The following CGGBP1 variants were observed in gnomAD, a reference collection of about 807,000 sequenced individuals.
The protein encoded by CGGBP1 is CGG triplet repeat binding protein 1.
CGGBP1 carries 4 observed loss-of-function variants against 11.4 expected under a neutral mutation model. The observed-to-expected ratio is 0.35, with a 90% CI of 0.17 to 0.80. The LOEUF (loss-of-function observed/expected upper bound fraction) is 0.80. Ranked by LOEUF, CGGBP1 falls within the 30% of genes least tolerant of loss-of-function variation. The pLI, the probability that CGGBP1 is intolerant of heterozygous loss-of-function variation, is 0.52. For synonymous variants in CGGBP1, 76 were observed against 74.1 expected (o/e 1.03, Z -0.13); for missense variants, 135 against 202.1 (o/e 0.67, Z 2.01).
rs1371137248 is a variant in CGGBP1 at position 88,054,422 on chromosome 3, A to C, written c.*1051T>G. ...TACTGCCAGATCTCCAATACAAAAA[A>C]CCTGCCAGAATTTCTAGACAATTGT... On this transcript the variant is annotated 3_prime_UTR_variant, in exon 4 of 4. Coordinates refer to ENST00000482016, the MANE Select transcript of CGGBP1 (RefSeq NM_001008390.2). The C allele has an allele frequency of 6.6e-6, 1 of 152,174 alleles. No homozygotes were observed. The highest frequency in any genetic ancestry group is 1.5e-5 in the Non-Finnish European group (1 of 68,018). The allele number at this position is 152,174 out of a possible 1,614,324, so 9.4% of individuals were successfully genotyped here.
At chr3:88,090,691 A>T (rs1472565423) in intron 2 of CGGBP1, among the ~76,000 whole-genome samples, 1 of 152,172 alleles carries the variant, frequency 6.6e-6, no homozygotes, top group Non-Finnish European at 1.5e-5. Flanking sequence ...ACCTATAACA[A>T]CATCATTCTT....
chr3:88,067,793 TAGAC>T (rs989062113), intron 2 of CGGBP1, among the ~76,000 whole-genome samples: 1 of 151,958 alleles, frequency 6.6e-6, no homozygotes, highest in African/African-American at 2.4e-5. Flanking sequence ...GGTGAAGGAA[TAGAC>T]AGTAAGTACA....
rs776571548 is a variant in CGGBP1, at chr3:88,139,823, T to A, written c.-229+1147A>T. The A allele has an allele frequency of 7.0e-6, 11 of 1,565,974 alleles. No homozygotes were observed. The Admixed American group carries it at 2.1e-4, about 30-fold the overall frequency. ...ATGAAGAAGATGATTATGACCTGAATCAAGAAACTTCAGTAATTCATAAAA... is the reference window on the plus strand; with the variant it reads ...ATGAAGAAGATGATTATGACCTGAAACAAGAAACTTCAGTAATTCATAAAA... On this transcript the variant is annotated intron_variant, in intron 2 of 3. Coordinates refer to the CGGBP1 transcript ENST00000462901.
At chr3:88,136,283 A>C (rs1196004690) in intron 2 of CGGBP1, among the ~76,000 whole-genome samples, 3 of 152,232 alleles carry the variant, frequency 2.0e-5, no homozygotes, top group African/African-American at 7.2e-5. Context: ...GCCAGTCATC[A>C]CAGAGCTTTC....
chr3:88,060,529 CCATT>C (rs1446568555), upstream of CGGBP1, among the ~76,000 whole-genome samples: 1 of 152,102 alleles, frequency 6.6e-6, no homozygotes, highest in Non-Finnish European at 1.5e-5. Flanking sequence ...TAAAATGCGT[CCATT>C]AATTTGGGTG....
At chr3:88,101,067 C>T (rs1704393024) in intron 2 of CGGBP1, among the ~76,000 whole-genome samples, 1 of 152,166 alleles carries the variant, frequency 6.6e-6, no homozygotes, top group South Asian at 2.1e-4. Flanking sequence ...AATCTTGTTT[C>T]AGCTGTATTT....
chr3:88,133,724 C>T (rs186369069), intron 2 of CGGBP1, among the ~76,000 whole-genome samples: 1 of 152,110 alleles, frequency 6.6e-6, no homozygotes, highest in Non-Finnish European at 1.5e-5. Flanking sequence ...AGCATAAGCA[C>T]TAAATGAAAT....
At chr3:88,075,911 T>C (rs886860310) in intron 2 of CGGBP1, among the ~76,000 whole-genome samples, 3 of 152,204 alleles carry the variant, frequency 2.0e-5, no homozygotes, top group Non-Finnish European at 4.4e-5. Context: ...AAAAAAATCT[T>C]ACCAGCACAA....
intron 2 of CGGBP1, chr3:88,126,005 A>T: frequency 1.0e-6 from 1 of 998,238 alleles, no homozygotes; most frequent in Non-Finnish European, 1.4e-6. Context: ...AGGTTACAAT[A>T]GTAACCCTTT....
chr3:88,085,078 T>C (rs868301608), intron 2 of CGGBP1, among the ~76,000 whole-genome samples: 2 of 152,200 alleles, frequency 1.3e-5, no homozygotes, highest in Admixed American at 6.5e-5. Context: ...GCTAGGACTT[T>C]TTGAAAAATT....
At chr3:88,067,872 ATTTTC>A (rs1462299725) in intron 2 of CGGBP1, among the ~76,000 whole-genome samples, 3 of 151,754 alleles carry the variant, frequency 2.0e-5, no homozygotes, top group African/African-American at 4.8e-5. Context: ...TGAAGGTAAA[ATTTTC>A]TTTTCTTTCT....
chr3:88,111,984 C>CT (rs1340454235), intron 2 of CGGBP1, among the ~76,000 whole-genome samples: 1 of 151,894 alleles, frequency 6.6e-6, no homozygotes, highest in East Asian at 1.9e-4. Context: ...CAGTTTTCTA[C>CT]TAGGTTATTG....
In CGGBP1 at chr3:88,139,249, A is replaced by C. The variant is rs200300980; in HGVS notation, c.-229+1721T>G. On this transcript the variant is annotated intron_variant, in intron 2 of 3. Coordinates refer to the CGGBP1 transcript ENST00000462901. ...CAGCCTAAAGGTCATATTAATACGAAGAAAAATCTTACAGCTCTCAGTACT... is the reference window on the plus strand; with the variant it reads ...CAGCCTAAAGGTCATATTAATACGACGAAAAATCTTACAGCTCTCAGTACT... 1.0e-5 allele frequency: 16 copies of C among 1,525,922 alleles called. No homozygotes were observed. In the East Asian group the frequency reaches 3.6e-4, roughly 34 times the overall value. 94.5% of individuals were successfully genotyped at this position (1,525,922 alleles called of 1,614,324 possible). A position where few individuals can be genotyped will look rare whatever the true frequency, so the allele number is the denominator to read the frequency against.
chr3:88,101,206 G>C (rs1285251600), intron 2 of CGGBP1, among the ~76,000 whole-genome samples: 1 of 152,016 alleles, frequency 6.6e-6, no homozygotes, highest in Non-Finnish European at 1.5e-5. Context: ...ATAGAGTTGT[G>C]CAACCATTAC....
intron 2 of CGGBP1, chr3:88,139,059 T>C (rs1417958517): frequency 3.2e-6 from 4 of 1,261,240 alleles, no homozygotes; most frequent in Non-Finnish European, 4.0e-6. Context: ...CTGTGTAGCA[T>C]TATTGAGTGA....
At chr3:88,084,308 C>T (rs1452956588) in intron 2 of CGGBP1, among the ~76,000 whole-genome samples, 1 of 152,106 alleles carries the variant, frequency 6.6e-6, no homozygotes, top group African/African-American at 2.4e-5. Flanking sequence ...TAAACATGGA[C>T]TGGGAACAAG....
At chr3:88,056,642 C>T (rs1291931723) in intron 3 of CGGBP1, 1 of 152,058 alleles carries the variant, frequency 6.6e-6, no homozygotes, top group African/African-American at 2.4e-5. Context: ...CTCCGTTTTC[C>T]AAAAGGTGTT....
chr3:88,141,789 G>A (rs938856884), intron 1 of CGGBP1: 16 of 593,288 alleles, frequency 2.7e-5, no homozygotes, highest in Non-Finnish European at 4.3e-5. Flanking sequence ...TAAAGACAAA[G>A]CACATTTTCT....
At chr3:88,081,390 C>A (rs1708067487) in intron 2 of CGGBP1, among the ~76,000 whole-genome samples, 1 of 151,994 alleles carries the variant, frequency 6.6e-6, no homozygotes, top group African/African-American at 2.4e-5. Context: ...GACTGCAAAT[C>A]CTGCTTCTCC....
Sources: allele counts gnomAD v4.1 joint callset (sites outside exome capture counted in the v4.1 genomes callset), GRCh38; gene constraint gnomAD v4.1.1; transcripts MANE v1.5; gene names NCBI Gene and HGNC (gene_info 2026-07-23, HGNC 2026-07-21).